The following RSU1 variants were observed in gnomAD, a reference collection of about 807,000 sequenced individuals.
RSU1 encodes the protein Ras suppressor protein 1.
Under a neutral mutation model 31.1 loss-of-function variants are expected in RSU1, and 26 were observed. That is an observed-to-expected ratio of 0.84 (90% CI 0.61 to 1.16). RSU1 has a LOEUF of 1.16. Among genes scored for constraint, RSU1 ranks in the 50% most tolerant of loss-of-function variants. The probability of loss-of-function intolerance (pLI) is 0.00; values close to 1 mark genes in which losing one functional copy is unlikely to be tolerated. For missense variants in RSU1, 320 were observed against 339.1 expected, an observed-to-expected ratio of 0.94 and a Z score of 0.44; for synonymous variants, 164 against 136.3, an observed-to-expected ratio of 1.20 and a Z score of -1.41.
intron 8 of RSU1, among the ~76,000 whole-genome samples, chr10:16,633,246 T>C (rs977316585): frequency 6.6e-6 from 1 of 152,104 alleles, no homozygotes; most frequent in Non-Finnish European, 1.5e-5. Flanking sequence ...CTGGGAGTCA[T>C]TGCTTTAGAG....
intron 8 of RSU1, among the ~76,000 whole-genome samples, chr10:16,639,405 G>A (rs1225892781): frequency 1.3e-5 from 2 of 152,222 alleles, no homozygotes; most frequent in Non-Finnish European, 2.9e-5. Context: ...GGTGAAGTAA[G>A]AGAACCCTTG....
intron 8 of RSU1, among the ~76,000 whole-genome samples, chr10:16,610,576 A>G (rs1219906274): frequency 6.6e-6 from 1 of 152,108 alleles, no homozygotes; most frequent in East Asian, 1.9e-4. Context: ...ATGAGAATCT[A>G]ATGCCTGATG....
At chr10:16,707,651 C>T (rs760543500) in intron 7 of RSU1, among the ~76,000 whole-genome samples, 3 of 150,156 alleles carry the variant, frequency 2.0e-5, no homozygotes, top group Non-Finnish European at 4.4e-5. Flanking sequence ...TAAATATTTA[C>T]TCTCATTCTT....
At chr10:16,697,969 G>T (rs2131565706) in intron 7 of RSU1, among the ~76,000 whole-genome samples, 1 of 144,484 alleles carries the variant, frequency 6.9e-6, no homozygotes, top group South Asian at 2.2e-4. Context: ...GTTCAGAGGG[G>T]TGATTGCAGG....
At position 16,794,851 on chromosome 10, in the gene RSU1, G is replaced by A. The variant is rs531631951; in HGVS notation, c.110-12767C>T. ...ATCTAGAATAAAATAAGACACAAAA[G>A]CAAAGCAAAGAACGCACAGTTCCTA... is the stretch of plus-strand genomic sequence containing the variant. On this transcript the variant is annotated intron_variant, in intron 2 of 8. Coordinates refer to ENST00000345264, the MANE Select transcript of RSU1 (RefSeq NM_012425.4). Among the ~76,000 whole-genome samples the A allele has an allele frequency of 2.6e-5, 4 of 152,222 alleles. No homozygotes were observed. The South Asian group carries it at 8.3e-4, about 32-fold the overall frequency.
At chr10:16,764,984 A>T (rs188687541) in intron 3 of RSU1, among the ~76,000 whole-genome samples, 4,394 of 150,618 alleles carry the variant, frequency 0.029, 84 homozygotes, top group Non-Finnish European at 0.044. Flanking sequence ...CAGATGGCTA[A>T]TGGGGGGGGA....
intron 7 of RSU1, among the ~76,000 whole-genome samples, chr10:16,747,686 T>C (rs1038366670): frequency 1.3e-5 from 2 of 152,214 alleles, no homozygotes; most frequent in Non-Finnish European, 2.9e-5. Flanking sequence ...CTTCCACCCT[T>C]GCCCTCTGCC....
chr10:16,610,478 G>T (rs1332852877), intron 8 of RSU1, among the ~76,000 whole-genome samples: 1 of 152,200 alleles, frequency 6.6e-6, no homozygotes, highest in African/African-American at 2.4e-5. Context: ...ATAGTAGGTG[G>T]TGAGTGGCAG....
At position 16,679,595 on chromosome 10, in the gene RSU1, A is replaced by G. The variant is rs529570884; in HGVS notation, c.731+15428T>C. On this transcript the variant is annotated intron_variant, in intron 8 of 8. Transcript: ENST00000345264. Reference sequence around the variant, plus strand: ...AAGAATAACTGGGCATTTAATAGGTAAAGATGTGAAGAAAGAGCATTCCAG... The same window carrying G: ...AAGAATAACTGGGCATTTAATAGGTGAAGATGTGAAGAAAGAGCATTCCAG... Among the ~76,000 whole-genome samples, 12 of 152,312 alleles carry G rather than the reference A, an allele frequency of 7.9e-5. No individual in the cohort carries two copies. In the East Asian group the frequency reaches 2.1e-3, roughly 27 times the overall value.
chr10:16,674,820 C>G (rs10904788), intron 8 of RSU1, among the ~76,000 whole-genome samples: 95,944 of 151,944 alleles, frequency 0.63, 30,738 homozygotes, highest in African/African-American at 0.73. Context: ...TCACTTGAGA[C>G]TCAGGAGTTC....
chr10:16,672,092 A>T (rs1197270075), intron 8 of RSU1, among the ~76,000 whole-genome samples: 1 of 148,952 alleles, frequency 6.7e-6, no homozygotes, highest in African/African-American at 2.5e-5. Context: ...AGGTCAGGAG[A>T]CTGAGACCAT....
At chr10:16,737,196 A>T (rs1056912871) in intron 7 of RSU1, among the ~76,000 whole-genome samples, 1 of 152,158 alleles carries the variant, frequency 6.6e-6, no homozygotes, top group African/African-American at 2.4e-5. Context: ...AAAATTACTA[A>T]CCTACCAACC....
Position 16,593,172 on chromosome 10 carries a change from T to C in RSU1, c.*222A>G. On this transcript the variant is annotated 3_prime_UTR_variant, in exon 9 of 9. Transcript: ENST00000345264. Reference sequence around the variant, plus strand: ...TAAGAGCTTTGTTCCCTGCTTTTGGTAATGTTAAAGAAACAAATGGAAATG... The same window carrying C: ...TAAGAGCTTTGTTCCCTGCTTTTGGCAATGTTAAAGAAACAAATGGAAATG... The C allele has an allele frequency of 1.3e-6, 1 of 746,486 alleles. No homozygotes were observed. The highest frequency in any genetic ancestry group is 1.9e-6 in the Non-Finnish European group (1 of 521,148). The allele number at this position is 746,486 out of a possible 1,614,324, so 46.2% of individuals were successfully genotyped here. A position where few individuals can be genotyped will look rare whatever the true frequency, so the allele number is the denominator to read the frequency against.
intron 7 of RSU1, chr10:16,721,773 A>G (rs747863611): frequency 9.2e-5 from 14 of 152,186 alleles, no homozygotes; most frequent in Non-Finnish European, 1.9e-4. Context: ...ATACATTGCC[A>G]TTAGAATCCC....
intron 3 of RSU1, among the ~76,000 whole-genome samples, chr10:16,769,076 T>C (rs992313980): frequency 2.0e-5 from 3 of 152,196 alleles, no homozygotes; most frequent in South Asian, 2.1e-4. Context: ...AGCTCAAGAA[T>C]AGGCTTCCCC....
chr10:16,761,482 C>A (rs187414179), intron 4 of RSU1, among the ~76,000 whole-genome samples: 1 of 152,200 alleles, frequency 6.6e-6, no homozygotes, highest in Non-Finnish European at 1.5e-5. Flanking sequence ...TGACAGCCGC[C>A]CGCCTCACAC....
intron 7 of RSU1, among the ~76,000 whole-genome samples, chr10:16,701,482 C>G (rs1210552291): frequency 3.9e-5 from 6 of 152,162 alleles, no homozygotes; most frequent in African/African-American, 1.4e-4. Context: ...CAACTGTCTG[C>G]TTGGCCTTTC....
intron 7 of RSU1, among the ~76,000 whole-genome samples, chr10:16,722,842 A>G (rs12355258): frequency 2.8e-5 from 3 of 107,044 alleles, no homozygotes; most frequent in Non-Finnish European, 6.2e-5. Flanking sequence ...ACATATATGT[A>G]TATATACACA....
chr10:16,610,172 T>C (rs1188214080), intron 8 of RSU1, among the ~76,000 whole-genome samples: 1 of 152,156 alleles, frequency 6.6e-6, no homozygotes, highest in Non-Finnish European at 1.5e-5. Context: ...TACTATGTCT[T>C]TGAACTCTGG....
Sources: allele counts gnomAD v4.1 joint callset (sites outside exome capture counted in the v4.1 genomes callset), GRCh38; gene constraint gnomAD v4.1.1; transcripts MANE v1.5; gene names NCBI Gene and HGNC (gene_info 2026-07-23, HGNC 2026-07-21).